Variants in SGMS1 observed in about 807,000 individuals in gnomAD.
SGMS1 encodes the protein sphingomyelin synthase 1, also known as phosphatidylcholine:ceramide cholinephosphotransferase 1.
SGMS1 carries 13 observed loss-of-function variants against 46.2 expected under a neutral mutation model. That is an observed-to-expected ratio of 0.28 (90% confidence interval 0.18 to 0.45). The LOEUF is 0.45. SGMS1 is among the 20% of genes least tolerant of loss of function. The pLI is 1.00. For synonymous variants in SGMS1, 203 were observed against 187.8 expected (o/e 1.08, Z -0.66); for missense variants, 324 against 519.9 (o/e 0.62, Z 3.66).
intron 3 of SGMS1, among the ~76,000 whole-genome samples, chr10:50,471,939 A>C (rs1837382240): frequency 6.6e-6 from 1 of 152,204 alleles, no homozygotes; most frequent in Non-Finnish European, 1.5e-5. Flanking sequence ...GTGCTTAATG[A>C]GTTCTCAGTA....
At chr10:50,465,572 A>G (rs11005803) in intron 4 of SGMS1, among the ~76,000 whole-genome samples, 34,470 of 151,964 alleles carry the variant, frequency 0.23, 4,140 homozygotes, top group African/African-American at 0.28. Context: ...TACTAAGAAA[A>G]CCTCTCAGAA....
intron 8 of SGMS1, among the ~76,000 whole-genome samples, chr10:50,313,574 A>G (rs1847292412): frequency 6.6e-6 from 1 of 152,236 alleles, no homozygotes; most frequent in African/African-American, 2.4e-5. Context: ...AAAGTTTCAA[A>G]TTAAAAGTTT....
At position 50,344,254 on chromosome 10, in the gene SGMS1, T is replaced by C. The variant is rs1338792466; in HGVS notation, c.-140A>G. On this transcript the variant is annotated 5_prime_UTR_variant, in exon 7 of 11. Transcript: ENST00000361781. ...AGCAGAGACTTGTTTGGCAAGATGG[T>C]CAGGGCAGTTTTTAAACACCTCATG... 1 of 1,187,828 alleles carries C rather than the reference T, an allele frequency of 8.4e-7. No individual in the cohort carries two copies. Among genetic ancestry groups the C allele is most frequent in the Non-Finnish European group, 1.2e-6 (1 of 869,308 alleles). 73.6% of individuals were successfully genotyped at this position (1,187,828 alleles called of 1,614,324 possible).
chr10:50,574,576 G>A (rs1475364959), intron 2 of SGMS1, among the ~76,000 whole-genome samples: 1 of 152,150 alleles, frequency 6.6e-6, no homozygotes, highest in Non-Finnish European at 1.5e-5. Flanking sequence ...TAGAAAGCAA[G>A]ATAGAAATTT....
chr10:50,363,596 T>C (rs1848289358), intron 6 of SGMS1, among the ~76,000 whole-genome samples: 1 of 152,148 alleles, frequency 6.6e-6, no homozygotes, highest in Non-Finnish European at 1.5e-5. Context: ...TTGAAAGCAG[T>C]GGTATCTGAC....
chr10:50,340,175 C>G (rs1219802355), intron 7 of SGMS1, among the ~76,000 whole-genome samples: 1 of 152,186 alleles, frequency 6.6e-6, no homozygotes. Context: ...CATAATTTCT[C>G]TGGTGACTTG....
At chr10:50,526,379 A>G (rs1837901797) in intron 2 of SGMS1, among the ~76,000 whole-genome samples, 1 of 152,052 alleles carries the variant, frequency 6.6e-6, no homozygotes, top group Non-Finnish European at 1.5e-5. Flanking sequence ...CCATGATCCA[A>G]TCATCTCCCA....
Position 50,460,703 on chromosome 10 carries a change from C to A in SGMS1, c.-343G>T, listed in dbSNP as rs568803916. The stretch of plus-strand genomic sequence containing the variant: ...ACAGCCACTGTTTTGCATTTATCAA[C>A]AGGTTCCTTTAAAAGTATTCTCAGG... On this transcript the variant is annotated 5_prime_UTR_variant, in exon 5 of 11. Coordinates refer to ENST00000361781, the MANE Select transcript of SGMS1 (RefSeq NM_147156.4). 62 of 152,330 alleles carry A rather than the reference C, an allele frequency of 4.1e-4. No homozygotes were observed. The highest frequency in any genetic ancestry group is 8.2e-4 in the Non-Finnish European group (56 of 68,042). 9.4% of individuals were successfully genotyped at this position (152,330 alleles called of 1,614,324 possible). A position where few individuals can be genotyped will look rare whatever the true frequency, so the allele number is the denominator to read the frequency against.
At chr10:50,533,648 G>A (rs571978366) in intron 2 of SGMS1, among the ~76,000 whole-genome samples, 1 of 151,972 alleles carries the variant, frequency 6.6e-6, no homozygotes, top group South Asian at 2.1e-4. Context: ...ATTTGTAAGT[G>A]AACACACACA....
intron 2 of SGMS1, among the ~76,000 whole-genome samples, chr10:50,532,573 G>A (rs4935731): frequency 0.19 from 28,663 of 152,052 alleles, 3,130 homozygotes; most frequent in East Asian, 0.24. Context: ...TTCTTAACAT[G>A]TTGTTTCTCT....
chr10:50,457,980 T>TA (rs1837213621), intron 5 of SGMS1, among the ~76,000 whole-genome samples: 1 of 152,216 alleles, frequency 6.6e-6, no homozygotes, highest in Admixed American at 6.5e-5. Context: ...GAGTCGACCC[T>TA]AATTGCTGCT....
At chr10:50,443,365 C>T (rs979032437) in intron 5 of SGMS1, among the ~76,000 whole-genome samples, 9 of 150,928 alleles carry the variant, frequency 6.0e-5, no homozygotes, top group African/African-American at 2.2e-4. Context: ...CCATGAAAAC[C>T]AAAAATAACA....
In SGMS1 at chr10:50,552,240, A is replaced by G. The variant is rs1838155112; in HGVS notation, c.-588-32319T>C. Among the ~76,000 whole-genome samples, 4 of 152,194 alleles carry G rather than the reference A, an allele frequency of 2.6e-5. No homozygotes were observed. In the South Asian group the frequency reaches 8.3e-4, roughly 31 times the overall value. On this transcript the variant is annotated intron_variant, in intron 2 of 10. Transcript: ENST00000361781. ...ATCTTGGTTTTATTCTGTCCAATCA[A>G]TTCCAAGCATGTTTAAGATATTAAG...
At chr10:50,562,249 C>A (rs1236436150) in intron 2 of SGMS1, among the ~76,000 whole-genome samples, 2 of 152,056 alleles carry the variant, frequency 1.3e-5, no homozygotes, top group East Asian at 1.9e-4. Flanking sequence ...GATTAAAATG[C>A]AGATTCCTGG....
chr10:50,407,070 T>C (rs2133557379), intron 6 of SGMS1, among the ~76,000 whole-genome samples: 1 of 152,238 alleles, frequency 6.6e-6, no homozygotes, highest in East Asian at 1.9e-4. Flanking sequence ...ATGCAGTTTC[T>C]GCTCCCAGAC....
chr10:50,613,765 C>G (rs751315710), intron 1 of SGMS1, among the ~76,000 whole-genome samples: 3 of 152,246 alleles, frequency 2.0e-5, no homozygotes, highest in Admixed American at 1.3e-4. Flanking sequence ...GTTTTCGTCC[C>G]GAGGTTTTAT....
intron 2 of SGMS1, among the ~76,000 whole-genome samples, chr10:50,573,855 G>C (rs943301765): frequency 4.6e-5 from 7 of 152,088 alleles, no homozygotes; most frequent in African/African-American, 1.7e-4. Flanking sequence ...AATAAACAAT[G>C]CAGAAATAAA....
At chr10:50,526,837 C>T (rs971098216) in intron 2 of SGMS1, among the ~76,000 whole-genome samples, 1 of 151,964 alleles carries the variant, frequency 6.6e-6, no homozygotes, top group African/African-American at 2.4e-5. Flanking sequence ...GAGGCCATGG[C>T]AGGTGGATCA....
At chr10:50,366,847 T>C (rs1179572803) in intron 6 of SGMS1, among the ~76,000 whole-genome samples, 1 of 152,128 alleles carries the variant, frequency 6.6e-6, no homozygotes, top group African/African-American at 2.4e-5. Flanking sequence ...AAATATCTAA[T>C]GTAGGTGATG....
Sources: allele counts gnomAD v4.1 joint callset (sites outside exome capture counted in the v4.1 genomes callset), GRCh38; gene constraint gnomAD v4.1.1; transcripts MANE v1.5; gene names NCBI Gene and HGNC (gene_info 2026-07-23, HGNC 2026-07-21).